SLC12A7: variants seen among roughly 807,000 people sequenced by gnomAD.
The protein encoded by SLC12A7 is solute carrier family 12 member 7, also known as K-Cl cotransporter 4.
A neutral mutation model predicts 120.6 loss-of-function variants in SLC12A7; 100 were observed. That is an observed-to-expected ratio of 0.83 (90% CI 0.71 to 0.98). The LOEUF (loss-of-function observed/expected upper bound fraction) is 0.98. Among genes scored for constraint, SLC12A7 ranks in the 50% least tolerant of loss-of-function variants. The pLI is 0.00. For missense variants in SLC12A7, 1,373 were observed against 1,548.1 expected (o/e 0.89, Z 1.90); for synonymous variants, 760 against 678.0 (o/e 1.12, Z -1.88).
chr5:1,086,154 C>T (rs4975562), intron 6 of SLC12A7, among the ~76,000 whole-genome samples: 51,153 of 152,000 alleles, frequency 0.34, 10,128 homozygotes, highest in Non-Finnish European at 0.45. Context: ...CGGGTTGGGA[C>T]GGGTGTGGGT....
At chr5:1,085,572 A>C in intron 6 of SLC12A7, 99 bp from the exon 7 acceptor site, 3 of 1,452,984 alleles carry the variant, frequency 2.1e-6, no homozygotes, top group Non-Finnish European at 2.7e-6. Context: ...GCCTCCTCCC[A>C]ACAGGTGCCG....
chr5:1,103,525 C>A (rs1056149138), intron 1 of SLC12A7, among the ~76,000 whole-genome samples: 2 of 152,202 alleles, frequency 1.3e-5, no homozygotes, highest in Non-Finnish European at 2.9e-5. Context: ...CTCTCCATAC[C>A]CATACTCACA....
intron 10 of SLC12A7, 80 bp from the exon 11 acceptor site, chr5:1,078,838 T>TGGGGTGGGGG (rs1328550282): frequency 9.1e-5 from 2 of 21,942 alleles, no homozygotes; most frequent in African/African-American, 1.3e-3. Context: ...TGGGGTGGGG[T>TGGGGTGGGGG]GGGTGGGGAG....
At chr5:1,132,448 T>C in the SLC12A7 span, among the ~76,000 whole-genome samples, 3 of 152,162 alleles carry the variant, frequency 2.0e-5, no homozygotes, top group Non-Finnish European at 2.9e-5. Flanking sequence ...TTATACTCTA[T>C]GGACTCACCT....
At chr5:1,111,739 C>T (rs975551339) in intron 1 of SLC12A7, 129 bp downstream of exon 1, 47 of 946,076 alleles carry the variant, frequency 5.0e-5, no homozygotes, top group Admixed American at 4.7e-5. Flanking sequence ...CGAGAACAGG[C>T]GGTGGGGGCG....
chr5:1,102,102 T>C (rs747031143), intron 1 of SLC12A7, among the ~76,000 whole-genome samples: 2 of 152,208 alleles, frequency 1.3e-5, no homozygotes, highest in Non-Finnish European at 2.9e-5. Context: ...AACAGCCTCC[T>C]GGGCTTGTCC....
Position 1,086,751 on chromosome 5 carries a change from T to C in SLC12A7, c.675+152A>G, listed in dbSNP as rs542937422. 173 of 1,059,624 alleles carry C rather than the reference T, an allele frequency of 1.6e-4. 1 individual carries two copies. In the African/African-American group the frequency reaches 1.9e-3, roughly 12 times the overall value. 65.6% of individuals were successfully genotyped at this position (1,059,624 alleles called of 1,614,324 possible). The stretch of plus-strand genomic sequence containing the variant: ...GGACGCTGCCCAGTGGCTTCCGCCA[T>C]GGCCAGAGCCCAGGAGAGCCCAGGG... On this transcript the variant is annotated intron_variant, in intron 6 of 23. Coordinates refer to ENST00000264930, the MANE Select transcript of SLC12A7 (RefSeq NM_006598.3).
At chr5:1,087,750 AC>A (rs1740042520) in intron 5 of SLC12A7, among the ~76,000 whole-genome samples, 1 of 152,248 alleles carries the variant, frequency 6.6e-6, no homozygotes, top group Admixed American at 6.5e-5. Flanking sequence ...TCAGAAGCAG[AC>A]GTGGCAGCGT....
intron 1 of SLC12A7, among the ~76,000 whole-genome samples, chr5:1,108,638 T>A (rs939381553): frequency 1.3e-5 from 2 of 152,210 alleles, no homozygotes; most frequent in Admixed American, 6.5e-5. Flanking sequence ...CCCTATCTAA[T>A]GCGTGATCCC....
chr5:1,062,442 G>A (rs1347723779), intron 20 of SLC12A7, among the ~76,000 whole-genome samples: 2 of 152,252 alleles, frequency 1.3e-5, no homozygotes, highest in African/African-American at 2.4e-5. Flanking sequence ...ACTAAGCCCA[G>A]TGTACAAAAC....
intron 9 of SLC12A7, 66 bp from the exon 10 acceptor site, chr5:1,079,562 G>A (rs551904397): frequency 2.7e-5 from 36 of 1,344,148 alleles, no homozygotes; most frequent in African/African-American, 4.3e-5. Flanking sequence ...GGCAGCCCCT[G>A]CCCAGAAAGC....
the SLC12A7 span, among the ~76,000 whole-genome samples, chr5:1,140,661 C>T: frequency 7.7e-4 from 117 of 152,376 alleles, no homozygotes; most frequent in Admixed American, 1.7e-3. Context: ...CTCTCTACTC[C>T]AGTGGGACAA....
chr5:1,062,142 G>T (rs1029543555), intron 20 of SLC12A7, among the ~76,000 whole-genome samples: 1 of 152,108 alleles, frequency 6.6e-6, no homozygotes, highest in Non-Finnish European at 1.5e-5. Flanking sequence ...CTCAGGAGCT[G>T]GGGAGCTGCT....
intron 21 of SLC12A7, among the ~76,000 whole-genome samples, chr5:1,057,881 C>T (rs988297302): frequency 4.6e-5 from 7 of 152,216 alleles, no homozygotes; most frequent in African/African-American, 1.7e-4. Context: ...CCCGCCCTGG[C>T]CCTGAACTGG....
chr5:1,092,260 TCAG>T (rs1217955334), intron 3 of SLC12A7, among the ~76,000 whole-genome samples: 5 of 152,230 alleles, frequency 3.3e-5, no homozygotes, highest in Admixed American at 2.0e-4. Flanking sequence ...GGGACCCAGG[TCAG>T]CAGAACACTG....
At chr5:1,100,077 C>A (rs944789781) in intron 1 of SLC12A7, among the ~76,000 whole-genome samples, 2 of 152,214 alleles carry the variant, frequency 1.3e-5, no homozygotes, top group Non-Finnish European at 2.9e-5. Flanking sequence ...CCTACCCGGC[C>A]GGGCTGGGCT....
chr5:1,101,613 G>A (rs960532426), intron 1 of SLC12A7, among the ~76,000 whole-genome samples: 24 of 151,886 alleles, frequency 1.6e-4, no homozygotes, highest in Admixed American at 8.5e-4. Flanking sequence ...GTTTTTTCTC[G>A]TCTTATTTTT....
At chr5:1,073,893 C>G in intron 16 of SLC12A7, 92 bp from the exon 17 acceptor site, 5 of 1,219,652 alleles carry the variant, frequency 4.1e-6, no homozygotes, top group Non-Finnish European at 4.2e-6. Context: ...GCGGGGCACA[C>G]GACACAGGTG....
At chr5:1,060,249 C>G in intron 21 of SLC12A7, 95 bp downstream of exon 21, 1 of 904,328 alleles carries the variant, frequency 1.1e-6, no homozygotes, top group South Asian at 1.4e-5. Flanking sequence ...CTCTGGAGGA[C>G]CCTCGTGGGC....
Sources: gnomAD v4.1 joint callset for allele counts (sites outside exome capture counted in the v4.1 genomes callset) on GRCh38, gnomAD v4.1.1 for gene constraint, MANE v1.5 for transcripts, NCBI Gene and HGNC (gene_info 2026-07-23, HGNC 2026-07-21) for gene names.